Variants in TBC1D15 observed in about 807,000 individuals in gnomAD.
The protein encoded by TBC1D15 is GAP for RAB7.
A neutral mutation model predicts 95.4 loss-of-function variants in TBC1D15; 39 were observed. That is an observed-to-expected ratio of 0.41 (90% CI 0.32 to 0.53). The LOEUF is 0.53. Among genes scored for constraint, TBC1D15 ranks in the 20% least tolerant of loss-of-function variants. The pLI is 0.29. For synonymous variants in TBC1D15, 258 were observed against 261.3 expected, an observed-to-expected ratio of 0.99 and a Z score of 0.12; for missense variants, 733 against 794.3, an observed-to-expected ratio of 0.92 and a Z score of 0.93.
In TBC1D15 at chr12:71,881,229, C is replaced by A. The variant is rs759796996; in HGVS notation, c.343+622C>A. Among the ~76,000 whole-genome samples, 15 of 152,268 alleles carry A rather than the reference C, an allele frequency of 9.9e-5. 1 individual carries two copies. In the South Asian group the frequency reaches 1.0e-3, roughly 11 times the overall value. ...GTGCATCACCTTTTCTACATTTAGA[C>A]GTGTTTAGATACACAAATACTTAGC... On this transcript the variant is annotated intron_variant, in intron 4 of 16. Transcript: ENST00000485960.
chr12:71,922,883 C>T, intron 16 of TBC1D15, 100 bp from the exon 17 acceptor site: 2 of 1,116,080 alleles, frequency 1.8e-6, no homozygotes, highest in South Asian at 2.9e-5. Context: ...GACAAATGCT[C>T]AGATTCTGGA....
chr12:71,911,003 C>T (rs1442159023), intron 11 of TBC1D15, among the ~76,000 whole-genome samples: 1 of 152,074 alleles, frequency 6.6e-6, no homozygotes, highest in East Asian at 1.9e-4. Context: ...ATTTATGCAG[C>T]CAAAAAACAC....
chr12:71,882,135 A>G lies in TBC1D15; in HGVS notation c.343+1528A>G, dbSNP rs575232645. Reference sequence around the variant, plus strand: ...TTACCCTTCTCATTTTTAACTTTGTACTTTTTTCTTTTTTGTGTGAGGCAC... The same window carrying G: ...TTACCCTTCTCATTTTTAACTTTGTGCTTTTTTCTTTTTTGTGTGAGGCAC... On this transcript the variant is annotated intron_variant, in intron 4 of 16. Coordinates refer to ENST00000485960, the MANE Select transcript of TBC1D15 (RefSeq NM_001146213.3). 3.5e-4 allele frequency among the ~76,000 whole-genome samples: 53 copies of G among 152,064 alleles called. 1 individual carries two copies. Among genetic ancestry groups the G allele is most frequent in the African/African-American group, 9.6e-4 (40 of 41,520 alleles).
intron 14 of TBC1D15, among the ~76,000 whole-genome samples, 165 bp downstream of exon 14, chr12:71,918,713 T>C (rs915874596): frequency 6.6e-6 from 1 of 152,200 alleles, no homozygotes. Context: ...AGTTTCACAC[T>C]GAATATTTGG....
rs559575964 is a variant in TBC1D15, at chr12:71,881,675, T to C, written c.343+1068T>C. On this transcript the variant is annotated intron_variant, in intron 4 of 16. Transcript: ENST00000485960. ...GCTCACTCCTGTAATCCCAACACTT[T>C]GGGAGGCCAAGGCAGGCGGATCACG... 6.6e-5 allele frequency among the ~76,000 whole-genome samples: 10 copies of C among 152,182 alleles called. No individual in the cohort carries two copies. In the East Asian group the frequency reaches 1.7e-3, roughly 26 times the overall value.
intron 4 of TBC1D15, 80 bp downstream of exon 4, chr12:71,880,687 A>G (rs1345482986): frequency 1.8e-5 from 26 of 1,431,286 alleles, no homozygotes; most frequent in Non-Finnish European, 2.3e-5. Context: ...AGATTCGTGA[A>G]TGCTCCTCAG....
chr12:71,882,547 A>G (rs1895415916), intron 4 of TBC1D15, among the ~76,000 whole-genome samples: 1 of 152,230 alleles, frequency 6.6e-6, no homozygotes, highest in Non-Finnish European at 1.5e-5. Flanking sequence ...ATTAGAACTA[A>G]TTAATTTTCT....
At chr12:71,851,735 C>T (rs1376188529) in intron 1 of TBC1D15, among the ~76,000 whole-genome samples, 4 of 152,094 alleles carry the variant, frequency 2.6e-5, no homozygotes, top group South Asian at 4.1e-4. Context: ...ACTTCATGTC[C>T]CACACCCAGG....
At chr12:71,849,179 C>CAA (rs1015053782) in intron 1 of TBC1D15, 23 of 187,192 alleles carry the variant, frequency 1.2e-4, no homozygotes, top group East Asian at 4.3e-4. Flanking sequence ...AAAAAAAAAA[C>CAA]AAAAAAAAAA....
intron 10 of TBC1D15, among the ~76,000 whole-genome samples, chr12:71,902,649 A>G (rs188339066): frequency 2.1e-4 from 32 of 152,324 alleles, no homozygotes; most frequent in Middle Eastern, 3.4e-3. Flanking sequence ...AGGAAATACC[A>G]TTGAGGATAT....
intron 1 of TBC1D15, among the ~76,000 whole-genome samples, chr12:71,857,444 TAAG>T (rs749411275): frequency 3.3e-5 from 5 of 152,188 alleles, no homozygotes; most frequent in Non-Finnish European, 7.3e-5. Context: ...TTGATAAACA[TAAG>T]AAGCAGAATG....
intron 10 of TBC1D15, among the ~76,000 whole-genome samples, chr12:71,903,483 G>C (rs1162667108): frequency 6.6e-6 from 1 of 152,150 alleles, no homozygotes; most frequent in Non-Finnish European, 1.5e-5. Context: ...ACTTAAAACA[G>C]AACTACCATT....
rs141670683 is a variant in TBC1D15 at position 71,920,515 on chromosome 12, A to G, written c.1600-216A>G. Among the ~76,000 whole-genome samples the G allele has an allele frequency of 3.3e-4, 51 of 152,282 alleles. No individual in the cohort carries two copies. In the East Asian group the frequency reaches 4.8e-3, roughly 14 times the overall value. ...ATAGTTACCTTAAAGAGCCACATTT[A>G]GAATATATCATATTCATATAAACTC... On this transcript the variant is annotated intron_variant, in intron 14 of 16. Transcript: ENST00000485960.
intron 5 of TBC1D15, among the ~76,000 whole-genome samples, chr12:71,887,721 C>G (rs1896510854): frequency 6.6e-6 from 1 of 152,124 alleles, no homozygotes. Context: ...ATCTAATTTT[C>G]TTGTTTGCTT....
chr12:71,892,815 T>A (rs2138665950), intron 5 of TBC1D15, among the ~76,000 whole-genome samples: 1 of 151,766 alleles, frequency 6.6e-6, no homozygotes, highest in African/African-American at 2.4e-5. Context: ...TGTATGTAAA[T>A]ATTATATACT....
intron 1 of TBC1D15, among the ~76,000 whole-genome samples, chr12:71,853,253 T>G (rs1267456596): frequency 6.6e-6 from 1 of 152,068 alleles, no homozygotes; most frequent in Non-Finnish European, 1.5e-5. Flanking sequence ...AAATCAGATC[T>G]CAGGAGAACT....
chr12:71,895,600 G>A (rs1432256231), intron 7 of TBC1D15, among the ~76,000 whole-genome samples: 2 of 151,920 alleles, frequency 1.3e-5, no homozygotes, highest in East Asian at 1.9e-4. Context: ...AAATAATACA[G>A]CATATCATTT....
At chr12:71,840,350 T>C (rs147684556) in intron 1 of TBC1D15, among the ~76,000 whole-genome samples, 1 of 152,310 alleles carries the variant, frequency 6.6e-6, no homozygotes, top group East Asian at 1.9e-4. Flanking sequence ...GGTTGGTGGT[T>C]GTGAGCAGCA....
intron 7 of TBC1D15, among the ~76,000 whole-genome samples, chr12:71,895,266 A>G (rs925989809): frequency 2.0e-5 from 3 of 152,064 alleles, no homozygotes; most frequent in African/African-American, 7.2e-5. Flanking sequence ...ATTCTCATGT[A>G]ATACTTCCTT....
Sources: gnomAD v4.1 joint callset for allele counts (sites outside exome capture counted in the v4.1 genomes callset) on GRCh38, gnomAD v4.1.1 for gene constraint, MANE v1.5 for transcripts, NCBI Gene and HGNC (gene_info 2026-07-23, HGNC 2026-07-21) for gene names.